The following NFKBIL1 variants were observed in gnomAD, a reference collection of about 807,000 sequenced individuals.
NFKBIL1 encodes the protein NFKB inhibitor like 1, also known as NF-kappa-B inhibitor-like protein 1.
A neutral mutation model predicts 45.4 loss-of-function variants in NFKBIL1; 30 were observed. The observed-to-expected ratio is 0.66, with a 90% confidence interval of 0.49 to 0.90. The LOEUF is 0.90. Ranked by LOEUF, NFKBIL1 falls within the 40% of genes least tolerant of loss-of-function variation. NFKBIL1 has a pLI of 0.00. For missense variants in NFKBIL1, 434 were observed against 513.4 expected, an observed-to-expected ratio of 0.85 and a Z score of 1.49; for synonymous variants, 179 against 197.3, an observed-to-expected ratio of 0.91 and a Z score of 0.78.
Position 31,557,365 on chromosome 6 carries a change from C to A in NFKBIL1, c.335-263C>A, listed in dbSNP as rs900980166. On this transcript the variant is annotated intron_variant, in intron 2 of 3. Coordinates refer to ENST00000376148, the MANE Select transcript of NFKBIL1 (RefSeq NM_005007.4). This position sits in a 1 kb window ranked among gnomAD's most constrained non-coding sequence, Gnocchi z 5.4. ...CCTCGTGATCCGCCCGCCTCGGACT[C>A]CCAAAGTGCTGGGATTACAGGCGTG... 6.6e-6 allele frequency among the ~76,000 whole-genome samples: 1 copy of A among 152,198 alleles called. No homozygotes were observed. Among genetic ancestry groups the A allele is most frequent in the African/African-American group, 2.4e-5 (1 of 41,436 alleles).
At chr6:31,555,430 A>G (rs2857606) in intron 2 of NFKBIL1, among the ~76,000 whole-genome samples, 135,577 of 149,620 alleles carry the variant, frequency 0.91, 61,566 homozygotes, top group East Asian at 0.98. Flanking sequence ...TAGAGACAGG[A>G]TTTCACCATG....
upstream of NFKBIL1, among the ~76,000 whole-genome samples, chr6:31,547,231 T>G (rs1280061666): frequency 1.3e-5 from 2 of 152,126 alleles, no homozygotes; most frequent in African/African-American, 4.8e-5. Context: ...TGTCCCACTG[T>G]GGTTTTTGTT....
chr6:31,551,380 T>C (rs1769421336), intron 2 of NFKBIL1, among the ~76,000 whole-genome samples: 2 of 152,206 alleles, frequency 1.3e-5, no homozygotes, highest in African/African-American at 4.8e-5. Flanking sequence ...CATTTACAGA[T>C]GAGGAAAGCA....
intron 2 of NFKBIL1, among the ~76,000 whole-genome samples, chr6:31,551,637 C>G (rs537760210): frequency 4.1e-4 from 63 of 152,260 alleles, no homozygotes; most frequent in Admixed American, 1.5e-3. Context: ...CTTTGTCGCC[C>G]AGGCTGGAGT....
At chr6:31,552,685 C>CT (rs9279343) in intron 2 of NFKBIL1, among the ~76,000 whole-genome samples, 831 of 55,600 alleles carry the variant, frequency 0.015, 88 homozygotes, top group Admixed American at 0.038. Flanking sequence ...GGCGGCATTT[C>CT]TTTTTTTTTT....
intron 1 of NFKBIL1, 34 bp from the exon 2 acceptor site, chr6:31,548,129 G>C: frequency 6.2e-7 from 1 of 1,613,030 alleles, no homozygotes; most frequent in Non-Finnish European, 8.5e-7. Context: ...AGCCAAGGCT[G>C]AAGTCCTGAC....
At chr6:31,552,327 C>CA in intron 2 of NFKBIL1, among the ~76,000 whole-genome samples, 1 of 152,222 alleles carries the variant, frequency 6.6e-6, no homozygotes, top group Non-Finnish European at 1.5e-5. Context: ...GGCTGGAGTG[C>CA]AGTGGCACAA....
chr6:31,557,987 C>T lies in NFKBIL1; in HGVS notation c.557-35C>T. 1.3e-6 allele frequency: 2 copies of T among 1,523,934 alleles called. No homozygotes were observed. Among genetic ancestry groups the T allele is most frequent in the South Asian group, 1.3e-5 (1 of 78,560 alleles). 94.4% of individuals were successfully genotyped at this position (1,523,934 alleles called of 1,614,324 possible). On this transcript the variant is annotated intron_variant, in intron 3 of 3. Coordinates refer to ENST00000376148, the MANE Select transcript of NFKBIL1 (RefSeq NM_005007.4). This position sits in a 1 kb window ranked among gnomAD's most constrained non-coding sequence, Gnocchi z 5.4. ...GGGGCCCATCACCTTCTCACAGCCT[C>T]TCTCCAACTACCCCCATCCCACCCT...
At position 31,547,675 on chromosome 6, in the gene NFKBIL1, G is replaced by C. The variant is rs142525222; in HGVS notation, c.-20G>C. On this transcript the variant is annotated 5_prime_UTR_variant, in exon 1 of 4. Coordinates refer to ENST00000376148, the MANE Select transcript of NFKBIL1 (RefSeq NM_005007.4). ...GGGCCTACGGCTCTGGGGGTACTTG[G>C]GGGGGCGGGGGCAGGTCTGATGAGT... 4.3e-5 allele frequency: 69 copies of C among 1,599,582 alleles called. No individual in the cohort carries two copies. The highest frequency in any genetic ancestry group is 3.1e-4 in the East Asian group (14 of 44,714).
At chr6:31,553,496 G>A (rs909869917) in intron 2 of NFKBIL1, among the ~76,000 whole-genome samples, 3 of 152,290 alleles carry the variant, frequency 2.0e-5, no homozygotes, top group African/African-American at 7.2e-5. Context: ...ATGGCCTGGG[G>A]AGGAATGAAA....
chr6:31,551,717 C>T (rs1355737678), intron 2 of NFKBIL1, among the ~76,000 whole-genome samples: 1 of 152,162 alleles, frequency 6.6e-6, no homozygotes, highest in African/African-American at 2.4e-5. Context: ...GCTTCAGCCT[C>T]CCAAGTAGCT....
Position 31,558,128 on chromosome 6 carries a change from G to C in NFKBIL1, c.663G>C (p.Glu221Asp). Residue 221 changes from glutamate to aspartate, a missense_variant, in exon 4 of 4, where the codon GAG (glutamate) becomes GAC (aspartate). Around this residue, in one of 4 missense-constraint regions of NFKBIL1, gnomAD observed 23 missense variants for 46.9 expected, o/e 0.49. Coordinates refer to ENST00000376148, the MANE Select transcript of NFKBIL1 (RefSeq NM_005007.4). The surrounding 1 kb of genome is among the most constrained non-coding windows in gnomAD (Gnocchi z 7.2). ...GCCAGCAGCAGCAGCGAGAAGCAGA[G>C]GGATCCCGTCGACCCCCACGTGCTG... ...QKCQQQQREA[E>D]GSRRPPRAEG... 1 of 1,612,274 alleles carries C rather than the reference G, an allele frequency of 6.2e-7. No homozygotes were observed. The highest frequency in any genetic ancestry group is 1.3e-5 in the African/African-American group (1 of 75,032).
rs759455626 is a variant in NFKBIL1, at chr6:31,557,809, GC to G, written c.517del (p.Leu173TrpfsTer97). 1.9e-6 allele frequency: 3 copies of G among 1,608,262 alleles called. No individual in the cohort carries two copies. In the South Asian group the frequency reaches 3.3e-5, roughly 18 times the overall value. On this transcript the variant is annotated frameshift_variant, in exon 3 of 4. Transcript: ENST00000376148. LOFTEE classifies it high-confidence loss of function. The surrounding 1 kb of genome is among the most constrained non-coding windows in gnomAD (Gnocchi z 5.4). The stretch of plus-strand genomic sequence containing the variant: ...AATGGAGACAGAAGCTCCAGGGTGA[GC>G]TGGAGGACGAGTGGCAGGAAGTCAT... ...REWRQKLQGE[L>X]EDEWQEVMGR... is the part of the protein sequence containing the mutation.
chr6:31,549,557 C>A (rs1769313456), intron 2 of NFKBIL1, among the ~76,000 whole-genome samples: 1 of 150,774 alleles, frequency 6.6e-6, no homozygotes, highest in Non-Finnish European at 1.5e-5. Flanking sequence ...TGGCCTTGTT[C>A]CTGTTTTTGT....
chr6:31,551,747 A>G (rs1769439874), intron 2 of NFKBIL1, among the ~76,000 whole-genome samples: 1 of 151,814 alleles, frequency 6.6e-6, no homozygotes, highest in Non-Finnish European at 1.5e-5. Flanking sequence ...GGCACACACC[A>G]CCATGCCCAG....
intron 2 of NFKBIL1, among the ~76,000 whole-genome samples, chr6:31,555,594 C>T (rs1264927819): frequency 1.4e-5 from 2 of 142,140 alleles, no homozygotes; most frequent in African/African-American, 2.6e-5. Flanking sequence ...ATTATCTGAT[C>T]CTCTCTCTCT....
Position 31,558,722 on chromosome 6 carries a change from G to C in NFKBIL1, c.*111G>C, listed in dbSNP as rs1417139636. 1 of 976,996 alleles carries C rather than the reference G, an allele frequency of 1.0e-6. No individual in the cohort carries two copies. Among genetic ancestry groups the C allele is most frequent in the Non-Finnish European group, 1.5e-6 (1 of 679,108 alleles). The allele number at this position is 976,996 out of a possible 1,614,324, so 60.5% of individuals were successfully genotyped here. A position where few individuals can be genotyped will look rare whatever the true frequency, so the allele number is the denominator to read the frequency against. ...GAAGAGCCAGGTGCTGCTCAGCAGA[G>C]GATATGGGTGGGAGCGAAAGTTGTA... is the stretch of plus-strand genomic sequence containing the variant. On this transcript the variant is annotated 3_prime_UTR_variant, in exon 4 of 4. Transcript: ENST00000376148. This position sits in a 1 kb window ranked among gnomAD's most constrained non-coding sequence, Gnocchi z 7.2.
Position 31,548,446 on chromosome 6 carries a change from C to G in NFKBIL1, c.334+7C>G. ...GCCCGCCAGGGCCCAGATGGTGAGT[C>G]TGCTCAGTGGGGAACAAGGTCATAA... On this transcript the variant is annotated splice_region_variant and intron_variant, in intron 2 of 3. Transcript: ENST00000376148. 6.7e-7 allele frequency: 1 copy of G among 1,499,282 alleles called. No homozygotes were observed. Among genetic ancestry groups the G allele is most frequent in the East Asian group, 2.3e-5 (1 of 43,524 alleles). The allele number at this position is 1,499,282 out of a possible 1,614,324, so 92.9% of individuals were successfully genotyped here.
At position 31,557,133 on chromosome 6, in the gene NFKBIL1, A is replaced by C. The variant is rs1583010752; in HGVS notation, c.335-495A>C. Among the ~76,000 whole-genome samples the C allele has an allele frequency of 7.2e-6, 1 of 138,432 alleles. No individual in the cohort carries two copies. The highest frequency in any genetic ancestry group is 1.5e-5 in the Non-Finnish European group (1 of 65,528). 90.8% of individuals were successfully genotyped at this position (138,432 alleles called of 152,430 possible). A position where few individuals can be genotyped will look rare whatever the true frequency, so the allele number is the denominator to read the frequency against. ...TTTTTTTTTTTTTTTTTTGAGACGG[A>C]GTCTTGCTCTGTCACCTAGGCTGGA... On this transcript the variant is annotated intron_variant, in intron 2 of 3. Transcript: ENST00000376148. This position sits in a 1 kb window ranked among gnomAD's most constrained non-coding sequence, Gnocchi z 5.4.
Sources: gnomAD v4.1 joint callset for allele counts (sites outside exome capture counted in the v4.1 genomes callset) on GRCh38, gnomAD v4.1.1 for gene constraint, gnomAD v4.1.1 regional missense constraint, Gnocchi (gnomAD v3.1) non-coding constraint, MANE v1.5 for transcripts, NCBI Gene and HGNC (gene_info 2026-07-23, HGNC 2026-07-21) for gene names.